Variants in SYN3 observed in about 807,000 individuals in gnomAD.
The protein encoded by SYN3 is synapsin III.
SYN3 carries 35 observed loss-of-function variants against 65.8 expected under a neutral mutation model. The ratio of observed to expected loss-of-function variants is 0.53; its 90% CI spans 0.41 to 0.70. SYN3 has a LOEUF of 0.70. SYN3 is among the 30% of genes least tolerant of loss of function. SYN3 has a pLI of 0.00. For missense variants in SYN3, 680 were observed against 749.0 expected (o/e 0.91, Z 1.08); for synonymous variants, 270 against 292.9 (o/e 0.92, Z 0.80).
chr22:32,789,054 C>T (rs1458541399), intron 6 of SYN3, among the ~76,000 whole-genome samples: 1 of 152,266 alleles, frequency 6.6e-6, no homozygotes. Context: ...CCCCCTCCAG[C>T]TGGCTCCGGC....
chr22:32,836,558 C>A (rs747157353), intron 6 of SYN3, among the ~76,000 whole-genome samples: 1 of 152,232 alleles, frequency 6.6e-6, no homozygotes, highest in Non-Finnish European at 1.5e-5. Context: ...TTCCTCCGCA[C>A]CTTCAGTGCT....
chr22:32,573,616 T>C (rs1176011582), intron 7 of SYN3, among the ~76,000 whole-genome samples: 1 of 151,998 alleles, frequency 6.6e-6, no homozygotes, highest in Non-Finnish European at 1.5e-5. Context: ...AAGTTTCCTG[T>C]AGGATTTCAT....
intron 1 of SYN3, among the ~76,000 whole-genome samples, chr22:33,015,680 C>T (rs1023501092): frequency 1.3e-5 from 2 of 152,126 alleles, no homozygotes; most frequent in African/African-American, 4.8e-5. Context: ...AGCAATTTAG[C>T]TATACTACCG....
At chr22:32,864,040 C>T (rs911350688) in intron 6 of SYN3, among the ~76,000 whole-genome samples, 24 of 152,150 alleles carry the variant, frequency 1.6e-4, no homozygotes, top group Non-Finnish European at 3.2e-4. Flanking sequence ...GTGATTACTC[C>T]TGAAATCTGC....
At chr22:32,610,394 C>G (rs1255391561) in intron 6 of SYN3, among the ~76,000 whole-genome samples, 1 of 152,016 alleles carries the variant, frequency 6.6e-6, no homozygotes. Flanking sequence ...CAAAAAGAAA[C>G]TCGGTACATA....
At chr22:32,763,980 C>A (rs1441625800) in intron 6 of SYN3, among the ~76,000 whole-genome samples, 1 of 145,706 alleles carries the variant, frequency 6.9e-6, no homozygotes, top group Non-Finnish European at 1.5e-5. Context: ...CTCTGTCGCT[C>A]AGGCTGGAGT....
intron 6 of SYN3, among the ~76,000 whole-genome samples, chr22:32,777,957 C>T (rs574933962): frequency 5.9e-5 from 9 of 152,230 alleles, no homozygotes; most frequent in African/African-American, 1.9e-4. Flanking sequence ...AACCATCCTG[C>T]GTCTCAGAGG....
intron 6 of SYN3, among the ~76,000 whole-genome samples, chr22:32,777,820 T>C (rs778530386): frequency 6.6e-6 from 1 of 152,256 alleles, no homozygotes; most frequent in East Asian, 1.9e-4. Context: ...ACTTAAATGC[T>C]AGCTTTGGGT....
chr22:32,677,129 C>A (rs906390436), intron 6 of SYN3, among the ~76,000 whole-genome samples: 1 of 152,132 alleles, frequency 6.6e-6, no homozygotes, highest in East Asian at 1.9e-4. Context: ...AGATGGATAA[C>A]GCTGTTCCTA....
intron 4 of SYN3, among the ~76,000 whole-genome samples, chr22:32,930,650 A>T (rs540600344): frequency 6.6e-6 from 1 of 152,046 alleles, no homozygotes; most frequent in South Asian, 2.1e-4. Flanking sequence ...CTTTTCCTCA[A>T]AGCTTTTCCT....
At chr22:33,028,768 C>T (rs892359635) in intron 1 of SYN3, among the ~76,000 whole-genome samples, 2 of 151,702 alleles carry the variant, frequency 1.3e-5, no homozygotes. Context: ...GTGGCCAGCA[C>T]GGTGGCTCAC....
chr22:32,989,509 C>T (rs956524350), intron 2 of SYN3, among the ~76,000 whole-genome samples: 2 of 152,122 alleles, frequency 1.3e-5, no homozygotes, highest in African/African-American at 2.4e-5. Flanking sequence ...CTGGGAACTC[C>T]CTTCCTCTCC....
At chr22:32,749,829 A>G (rs1182999456) in intron 6 of SYN3, among the ~76,000 whole-genome samples, 2 of 152,210 alleles carry the variant, frequency 1.3e-5, no homozygotes, top group East Asian at 3.9e-4. Context: ...TGGAAGGAAG[A>G]GTGAGGAGAA....
intron 4 of SYN3, among the ~76,000 whole-genome samples, chr22:32,886,107 G>A (rs2049281139): frequency 6.6e-6 from 1 of 152,158 alleles, no homozygotes; most frequent in African/African-American, 2.4e-5. Flanking sequence ...GTAAAGAACT[G>A]GCTCATAAGC....
chr22:32,956,436 T>A (rs2051467085), intron 3 of SYN3, among the ~76,000 whole-genome samples: 2 of 152,298 alleles, frequency 1.3e-5, no homozygotes, highest in African/African-American at 4.8e-5. Flanking sequence ...ATTACAGGTG[T>A]GAGCCACCTT....
At chr22:32,646,214 A>G (rs1487614108) in intron 6 of SYN3, among the ~76,000 whole-genome samples, 1 of 152,204 alleles carries the variant, frequency 6.6e-6, no homozygotes, top group Non-Finnish European at 1.5e-5. Flanking sequence ...GTGGACCATC[A>G]GCTGAGCACC....
rs1229950493 is a variant in SYN3, at chr22:32,633,602, G to C, written c.712-36866C>G. 2.0e-5 allele frequency among the ~76,000 whole-genome samples: 3 copies of C among 152,252 alleles called. No homozygotes were observed. The East Asian group carries it at 5.8e-4, about 29-fold the overall frequency. On this transcript the variant is annotated intron_variant, in intron 6 of 13. Coordinates refer to ENST00000358763, the MANE Select transcript of SYN3 (RefSeq NM_003490.4). ...AGCAGATTTTGACCTCCGAGGCAGA[G>C]GGAGCAAGGAAAGGAAAAATAATCT... is the stretch of plus-strand genomic sequence containing the variant.
intron 1 of SYN3, among the ~76,000 whole-genome samples, chr22:33,032,966 C>T (rs1168283644): frequency 6.6e-6 from 1 of 152,010 alleles, no homozygotes; most frequent in Admixed American, 6.6e-5. Context: ...GTTCTCAGGG[C>T]CTCTCGACTG....
At chr22:32,932,282 C>G (rs531462880) in intron 3 of SYN3, among the ~76,000 whole-genome samples, 75 of 143,846 alleles carry the variant, frequency 5.2e-4, no homozygotes, top group South Asian at 1.7e-3. Context: ...AATGGCCCCT[C>G]CTCTTGCTCC....
Sources: gnomAD v4.1 joint callset for allele counts (sites outside exome capture counted in the v4.1 genomes callset) on GRCh38, gnomAD v4.1.1 for gene constraint, MANE v1.5 for transcripts, NCBI Gene and HGNC (gene_info 2026-07-23, HGNC 2026-07-21) for gene names.